The following FGF14 variants were observed in gnomAD, a reference collection of about 807,000 sequenced individuals.
The protein encoded by FGF14 is fibroblast growth factor homologous factor 4.
FGF14 carries 5 observed loss-of-function variants against 25.5 expected under a neutral mutation model. That is an observed-to-expected ratio of 0.20 (90% CI 0.10 to 0.41). The LOEUF is 0.41. Among genes scored for constraint, FGF14 ranks in the 10% least tolerant of loss-of-function variants. The pLI is 1.00. For synonymous variants in FGF14, 138 were observed against 118.3 expected, an observed-to-expected ratio of 1.17 and a Z score of -1.08; for missense variants, 222 against 320.1, an observed-to-expected ratio of 0.69 and a Z score of 2.34.
chr13:102,340,956 G>A (rs1223880186), intron 1 of FGF14, among the ~76,000 whole-genome samples: 1 of 152,172 alleles, frequency 6.6e-6, no homozygotes, highest in Non-Finnish European at 1.5e-5. Flanking sequence ...AGTAAAATAT[G>A]TGCTATTACA....
chr13:102,074,153 A>G (rs1244147296), intron 1 of FGF14, among the ~76,000 whole-genome samples: 1 of 152,116 alleles, frequency 6.6e-6, no homozygotes, highest in Non-Finnish European at 1.5e-5. Flanking sequence ...TGGGACTACA[A>G]GTGTGCACCA....
intron 3 of FGF14, among the ~76,000 whole-genome samples, chr13:101,866,215 TAC>T (rs928980174): frequency 6.6e-6 from 1 of 152,136 alleles, no homozygotes; most frequent in Non-Finnish European, 1.5e-5. Flanking sequence ...TGCACTGAAA[TAC>T]AGTTTATTTC....
chr13:101,965,357 C>T (rs2037127072), intron 1 of FGF14, among the ~76,000 whole-genome samples: 1 of 152,086 alleles, frequency 6.6e-6, no homozygotes, highest in Non-Finnish European at 1.5e-5. Context: ...TGAGTCAATG[C>T]TATGTGAAGA....
chr13:102,390,832 T>C (rs887851938), intron 1 of FGF14, among the ~76,000 whole-genome samples: 1 of 152,238 alleles, frequency 6.6e-6, no homozygotes, highest in African/African-American at 2.4e-5. Context: ...GTAAGTGTAA[T>C]ATACATTCGT....
intron 1 of FGF14, among the ~76,000 whole-genome samples, chr13:102,110,468 T>C (rs887881980): frequency 6.6e-6 from 1 of 152,222 alleles, no homozygotes; most frequent in Admixed American, 6.5e-5. Flanking sequence ...CAACTTGTTT[T>C]TGTAAGGAAC....
At position 102,095,537 on chromosome 13, in the gene FGF14, G is replaced by T. The variant is rs1326708656; in HGVS notation, c.209-220241C>A. On this transcript the variant is annotated intron_variant, in intron 1 of 4. Coordinates refer to the FGF14 transcript ENST00000376131. ...AGAAATTACAATGTATTTTCATAAA[G>T]TTGCACTAAATGTGCCTGCCTCTCC... 3.9e-5 allele frequency among the ~76,000 whole-genome samples: 6 copies of T among 152,070 alleles called. No homozygotes were observed. In the East Asian group the frequency reaches 1.2e-3, roughly 29 times the overall value.
chr13:101,723,519 C>T (rs1317920813), intron 4 of FGF14, among the ~76,000 whole-genome samples: 1 of 152,078 alleles, frequency 6.6e-6, no homozygotes, highest in Non-Finnish European at 1.5e-5. Context: ...ACAAATAACT[C>T]TCTTCCCATA....
chr13:101,865,901 T>C (rs535480248), intron 3 of FGF14, among the ~76,000 whole-genome samples: 1 of 152,076 alleles, frequency 6.6e-6, no homozygotes, highest in Non-Finnish European at 1.5e-5. Context: ...AAACTTAGAA[T>C]GGATGACTTC....
chr13:102,138,633 G>T (rs1382073005), intron 1 of FGF14, among the ~76,000 whole-genome samples: 2 of 150,828 alleles, frequency 1.3e-5, no homozygotes, highest in African/African-American at 4.9e-5. Context: ...GTGGTGAGGT[G>T]TCAGTCCATC....
chr13:101,973,102 C>T (rs2037705627), intron 1 of FGF14, among the ~76,000 whole-genome samples: 1 of 147,446 alleles, frequency 6.8e-6, no homozygotes, highest in Non-Finnish European at 1.5e-5. Flanking sequence ...GCTGACAGCA[C>T]ATCATAAAGT....
chr13:102,039,448 G>C (rs1199093988), intron 1 of FGF14, among the ~76,000 whole-genome samples: 1 of 152,096 alleles, frequency 6.6e-6, no homozygotes, highest in Middle Eastern at 3.2e-3. Flanking sequence ...CCAAAATCAA[G>C]GGGCCAGCAG....
At chr13:101,739,926 A>C (rs1045262493) in intron 3 of FGF14, among the ~76,000 whole-genome samples, 3 of 152,214 alleles carry the variant, frequency 2.0e-5, no homozygotes, top group Non-Finnish European at 4.4e-5. Context: ...TGCCTGGCCT[A>C]AACTCAGTAG....
chr13:102,037,801 C>T (rs147137393), intron 1 of FGF14, among the ~76,000 whole-genome samples: 45 of 152,236 alleles, frequency 3.0e-4, no homozygotes, highest in African/African-American at 9.4e-4. Context: ...TAATGGATTC[C>T]TGTCCTCAGG....
At chr13:102,280,730 G>A (rs1416189948) in intron 1 of FGF14, among the ~76,000 whole-genome samples, 2 of 152,142 alleles carry the variant, frequency 1.3e-5, no homozygotes, top group Non-Finnish European at 2.9e-5. Context: ...AAAGAAATAA[G>A]AACAGCTCCA....
chr13:102,197,899 A>T (rs140585697), intron 1 of FGF14, among the ~76,000 whole-genome samples: 3 of 152,370 alleles, frequency 2.0e-5, no homozygotes, highest in Admixed American at 2.0e-4. Context: ...GATGGCATTA[A>T]TCAATGAGAA....
rs1415709748 is a variant in FGF14, at chr13:101,985,589, A to C, written c.209-110293T>G. Among the ~76,000 whole-genome samples, 9 of 152,200 alleles carry C rather than the reference A, an allele frequency of 5.9e-5. No homozygotes were observed. The South Asian group carries it at 1.2e-3, about 21-fold the overall frequency. On this transcript the variant is annotated intron_variant, in intron 1 of 4. Transcript: ENST00000376131. ...CTTCATGGTGTGAGAACATCTACTA[A>C]GGAAATGGCTTTTTCTTTGTTGTAA...
chr13:101,965,246 A>T (rs550552093), intron 1 of FGF14, among the ~76,000 whole-genome samples: 5 of 124,734 alleles, frequency 4.0e-5, no homozygotes, highest in South Asian at 2.6e-4. Flanking sequence ...AAGACTGTCT[A>T]AAAAAAAAAA....
rs150917885 is a variant in FGF14, at chr13:101,867,136, G to A, written c.408+1589C>T. On this transcript the variant is annotated intron_variant, in intron 3 of 4. Transcript: ENST00000376143. ...CTCATGAGATCTGATTTCTGCATGC[G>A]GAAACCATATTTAAAATGCAGGGGA... 6.7e-3 allele frequency among the ~76,000 whole-genome samples: 1,026 copies of A among 152,146 alleles called. 10 individuals carry two copies. The highest frequency in any genetic ancestry group is 0.014 in the South Asian group (69 of 4,824).
intron 1 of FGF14, among the ~76,000 whole-genome samples, chr13:102,143,491 A>G (rs1382114761): frequency 6.6e-6 from 1 of 152,198 alleles, no homozygotes; most frequent in East Asian, 1.9e-4. Flanking sequence ...TTTTGAAACT[A>G]ATTATGACCC....
Sources: allele counts gnomAD v4.1 joint callset (sites outside exome capture counted in the v4.1 genomes callset), GRCh38; gene constraint gnomAD v4.1.1; transcripts MANE v1.5; gene names NCBI Gene and HGNC (gene_info 2026-07-23, HGNC 2026-07-21).